EPHA5: variants seen among roughly 807,000 people sequenced by gnomAD.
The protein encoded by EPHA5 is EPH receptor A5.
In EPHA5, 60 loss-of-function variants were observed where a neutral mutation model predicts 105.0. The observed-to-expected ratio is 0.57, with a 90% CI of 0.46 to 0.71. The LOEUF is 0.71. EPHA5 is among the 30% of genes least tolerant of loss of function. EPHA5 has a pLI of 0.00. For missense variants in EPHA5, 1,218 were observed against 1,274.7 expected, an observed-to-expected ratio of 0.96 and a Z score of 0.68; for synonymous variants, 513 against 449.1, an observed-to-expected ratio of 1.14 and a Z score of -1.80.
intron 7 of EPHA5, among the ~76,000 whole-genome samples, chr4:65,413,300 T>A (rs1723087770): frequency 6.6e-6 from 1 of 152,122 alleles, no homozygotes. Flanking sequence ...CTTTTCTTTA[T>A]AAAATTCAGT....
intron 1 of EPHA5, among the ~76,000 whole-genome samples, chr4:65,653,508 A>C (rs993735439): frequency 6.6e-6 from 1 of 152,118 alleles, no homozygotes; most frequent in African/African-American, 2.4e-5. Flanking sequence ...TTTAGTACTC[A>C]GAACTAATTA....
chr4:65,461,447 G>T (rs1179697251), intron 5 of EPHA5, among the ~76,000 whole-genome samples: 3 of 151,816 alleles, frequency 2.0e-5, no homozygotes, highest in African/African-American at 4.8e-5. Context: ...CTTCCAATTT[G>T]CTCTAACATA....
At chr4:65,349,555 G>T (rs1722621679) in intron 13 of EPHA5, among the ~76,000 whole-genome samples, 1 of 152,046 alleles carries the variant, frequency 6.6e-6, no homozygotes. Flanking sequence ...TGCAGGAAGG[G>T]AAAGATTTAA....
chr4:65,643,307 T>C, intron 2 of EPHA5, 56 bp downstream of exon 2: 1 of 1,331,556 alleles, frequency 7.5e-7, no homozygotes, highest in South Asian at 1.2e-5. Flanking sequence ...GTGTTACAAG[T>C]ATCAAGATGC....
chr4:65,509,751 G>T (rs1374475422), intron 3 of EPHA5, among the ~76,000 whole-genome samples: 1 of 152,136 alleles, frequency 6.6e-6, no homozygotes, highest in Non-Finnish European at 1.5e-5. Context: ...ATGTTCACTA[G>T]GGTCATTCAG....
At chr4:65,453,610 G>A (rs146504715) in intron 5 of EPHA5, among the ~76,000 whole-genome samples, 1,958 of 152,244 alleles carry the variant, frequency 0.013, 18 homozygotes, top group Non-Finnish European at 0.021. Flanking sequence ...GGGACATTCA[G>A]CTGGTAAGGG....
intron 3 of EPHA5, among the ~76,000 whole-genome samples, chr4:65,531,055 G>A (rs1305027816): frequency 6.8e-6 from 1 of 147,350 alleles, no homozygotes; most frequent in African/African-American, 2.5e-5. Context: ...TTTTGAGACG[G>A]AGTCTCGCTC....
At chr4:65,339,070 T>C (rs1441083400) in intron 14 of EPHA5, among the ~76,000 whole-genome samples, 5 of 152,172 alleles carry the variant, frequency 3.3e-5, no homozygotes, top group Non-Finnish European at 7.3e-5. Flanking sequence ...TATAATATGC[T>C]ATGCATTTTC....
chr4:65,653,623 A>C (rs989497435), intron 1 of EPHA5, among the ~76,000 whole-genome samples: 5 of 152,134 alleles, frequency 3.3e-5, no homozygotes, highest in Non-Finnish European at 7.4e-5. Context: ...TTGTTGTAGT[A>C]TTAATCACTT....
Position 65,503,794 on chromosome 4 carries a change from T to A in EPHA5, c.911-8251A>T, listed in dbSNP as rs150610954. Among the ~76,000 whole-genome samples the A allele has an allele frequency of 3.7e-3, 564 of 151,816 alleles. 3 individuals carry two copies. Among genetic ancestry groups the A allele is most frequent in the Non-Finnish European group, 6.5e-3 (440 of 67,804 alleles). On this transcript the variant is annotated intron_variant, in intron 3 of 16. Transcript: ENST00000613740. The stretch of plus-strand genomic sequence containing the variant: ...AACTTAGTTGTGTGGCAATCACTTA[T>A]ACATTACCCGTCACATATTTAGAAA...
chr4:65,356,645 CTCA>C (rs1723324767), intron 11 of EPHA5, among the ~76,000 whole-genome samples: 1 of 151,462 alleles, frequency 6.6e-6, no homozygotes, highest in African/African-American at 2.4e-5. Context: ...TAAAACACCT[CTCA>C]TATTTCACAT....
At chr4:65,577,117 G>A (rs1741135575) in intron 3 of EPHA5, among the ~76,000 whole-genome samples, 1 of 152,148 alleles carries the variant, frequency 6.6e-6, no homozygotes, top group African/African-American at 2.4e-5. Context: ...ATTTTTGAAA[G>A]TAAGGTTTTT....
At chr4:65,560,298 T>C (rs1738877793) in intron 3 of EPHA5, among the ~76,000 whole-genome samples, 2 of 152,118 alleles carry the variant, frequency 1.3e-5, no homozygotes, top group Non-Finnish European at 2.9e-5. Flanking sequence ...TGCATGTCTA[T>C]AGCTAGTTTT....
intron 3 of EPHA5, among the ~76,000 whole-genome samples, chr4:65,595,638 T>C (rs558953153): frequency 8.3e-4 from 125 of 150,776 alleles, no homozygotes; most frequent in Non-Finnish European, 1.5e-3. Context: ...TGGAGTGCAG[T>C]GGCGCGATCT....
intron 5 of EPHA5, among the ~76,000 whole-genome samples, chr4:65,481,070 A>T (rs533433741): frequency 1.3e-5 from 2 of 152,132 alleles, no homozygotes; most frequent in South Asian, 4.1e-4. Flanking sequence ...AATCATATTG[A>T]AGATTATATT....
intron 5 of EPHA5, among the ~76,000 whole-genome samples, chr4:65,471,773 A>G (rs183207685): frequency 1.3e-5 from 2 of 152,260 alleles, no homozygotes; most frequent in Admixed American, 1.3e-4. Flanking sequence ...CCATGATCCA[A>G]TCACCTCCCA....
In EPHA5 at chr4:65,587,614, A is replaced by T. The variant is rs140527830; in HGVS notation, c.910+14027T>A. 8.6e-4 allele frequency among the ~76,000 whole-genome samples: 131 copies of T among 152,234 alleles called. 1 individual carries two copies. Among genetic ancestry groups the T allele is most frequent in the African/African-American group, 2.9e-3 (121 of 41,544 alleles). Reference sequence around the variant, plus strand: ...CCCCATCTGGATATTCCCATAGGAAATATGTTAAAAAGTCTAGTTCGGTTC... The same window carrying T: ...CCCCATCTGGATATTCCCATAGGAATTATGTTAAAAAGTCTAGTTCGGTTC... On this transcript the variant is annotated intron_variant, in intron 3 of 16. Transcript: ENST00000613740.
At chr4:65,348,009 A>G in intron 14 of EPHA5, 45 bp downstream of exon 14, 1 of 1,509,622 alleles carries the variant, frequency 6.6e-7, no homozygotes, top group Non-Finnish European at 8.9e-7. Flanking sequence ...CTCAGAGAAC[A>G]AAGCATTTCA....
chr4:65,649,258 T>A (rs1181378535), intron 1 of EPHA5, among the ~76,000 whole-genome samples: 1 of 152,236 alleles, frequency 6.6e-6, no homozygotes, highest in Non-Finnish European at 1.5e-5. Context: ...GCTTATTGTT[T>A]CCTGCAGCCA....
Sources: gnomAD v4.1 joint callset for allele counts (sites outside exome capture counted in the v4.1 genomes callset) on GRCh38, gnomAD v4.1.1 for gene constraint, MANE v1.5 for transcripts, NCBI Gene and HGNC (gene_info 2026-07-23, HGNC 2026-07-21) for gene names.